Variants in CCDC194 observed in about 807,000 individuals in gnomAD.
The protein encoded by CCDC194 is coiled-coil domain-containing protein 194.
A neutral mutation model predicts 4.9 loss-of-function variants in CCDC194; 8 were observed. The observed-to-expected ratio is 1.65, with a 90% CI of 0.97 to 2.97. The LOEUF is 2.97. Among genes scored for constraint, CCDC194 ranks in the 30% most tolerant of loss-of-function variants. CCDC194 has a pLI of 0.00. For synonymous variants in CCDC194, 13 were observed against 17.0 expected (o/e 0.76, Z 0.58); for missense variants, 52 against 43.1 (o/e 1.21, Z -0.58).
At chr19:17,387,210 CAATTTTT>C (rs557987498), downstream of CCDC194, among the ~76,000 whole-genome samples, 283 of 152,164 alleles carry the variant, frequency 1.9e-3, 2 homozygotes, top group Non-Finnish European at 4.0e-4. Context: ...TTTTTAAAAA[CAATTTTT>C]AATTTTTAAT....
chr19:17,392,052 A>C (rs1304998085), intron 1 of CCDC194: 3 of 489,480 alleles, frequency 6.1e-6, no homozygotes, highest in African/African-American at 6.0e-5. Context: ...GCCTGCCTGG[A>C]GGGAGATCTC....
downstream of CCDC194, among the ~76,000 whole-genome samples, chr19:17,387,742 G>T (rs1429076007): frequency 6.6e-6 from 1 of 151,906 alleles, no homozygotes; most frequent in Non-Finnish European, 1.5e-5. Flanking sequence ...AAGAAAGAAA[G>T]AAAGAAAGTA....
intron 1 of CCDC194, among the ~76,000 whole-genome samples, chr19:17,393,308 G>A (rs1260402603): frequency 6.6e-6 from 1 of 152,096 alleles, no homozygotes; most frequent in African/African-American, 2.4e-5. Flanking sequence ...GCACATGGAG[G>A]AGGGCCTCCA....
At chr19:17,390,374 T>C (rs1262580826), downstream of CCDC194, 15 of 382,104 alleles carry the variant, frequency 3.9e-5, no homozygotes, top group Non-Finnish European at 5.6e-5. This position sits in a 1 kb window ranked among gnomAD's most constrained non-coding sequence, Gnocchi z 5.5. Flanking sequence ...TTCTGTGCAG[T>C]TTCCGTTCAG....
At chr19:17,392,515 A>C (rs1477076371) in intron 1 of CCDC194, among the ~76,000 whole-genome samples, 4 of 152,132 alleles carry the variant, frequency 2.6e-5, no homozygotes, top group Non-Finnish European at 5.9e-5. Flanking sequence ...ACACAGGGCA[A>C]TTTGATGGTT....
intron 2 of CCDC194, 121 bp downstream of exon 2, chr19:17,391,629 T>C: frequency 6.5e-7 from 1 of 1,529,178 alleles, no homozygotes; most frequent in Non-Finnish European, 8.7e-7. Flanking sequence ...TTTTCATAAG[T>C]TTTTGCGTTT....
exon 1 of CCDC194, chr19:17,393,867 C>G (rs1453402348): frequency 7.5e-6 from 3 of 397,626 alleles, no homozygotes; most frequent in Non-Finnish European, 1.3e-5. Context: ...AATGCCTTCT[C>G]CAACTCGTGC....
At chr19:17,393,555 A>C (rs1380302550) in intron 1 of CCDC194, among the ~76,000 whole-genome samples, 3 of 151,782 alleles carry the variant, frequency 2.0e-5, no homozygotes, top group African/African-American at 7.3e-5. Context: ...CGCCAGGCTA[A>C]TTTTTGTATT....
chr19:17,388,887 G>A (rs2074644838), downstream of CCDC194, among the ~76,000 whole-genome samples: 1 of 150,352 alleles, frequency 6.7e-6, no homozygotes. Flanking sequence ...TCAGAGGACT[G>A]AAGTGCAGTG....
At chr19:17,391,383 C>T in intron 2 of CCDC194, 40 bp from the exon 3 acceptor site, 1 of 497,044 alleles carries the variant, frequency 2.0e-6, no homozygotes, top group South Asian at 3.0e-5. Context: ...GAGACTCCCG[C>T]GCCCACCCGC....
downstream of CCDC194, among the ~76,000 whole-genome samples, chr19:17,389,017 A>G (rs1019789018): frequency 2.0e-5 from 3 of 151,832 alleles, no homozygotes; most frequent in South Asian, 4.2e-4. Flanking sequence ...TATTGATATT[A>G]TTTGTAGAGA....
intron 1 of CCDC194, among the ~76,000 whole-genome samples, chr19:17,392,884 A>G (rs1292624135): frequency 6.6e-5 from 10 of 152,136 alleles, no homozygotes; most frequent in Admixed American, 6.6e-4. Context: ...TTTTCACCAC[A>G]TTGGCCAGGC....
chr19:17,391,185 C>T (rs2074653032), intron 3 of CCDC194, 26 bp downstream of exon 3: 2 of 397,360 alleles, frequency 5.0e-6, no homozygotes, highest in Middle Eastern at 6.2e-4. Flanking sequence ...CATCCGACCC[C>T]GCCCTCGGGC....
In CCDC194 at chr19:17,390,714, C is replaced by T. The variant is rs757966021; in HGVS notation, c.555-55G>A. On this transcript the variant is annotated intron_variant, in intron 3 of 3. Coordinates refer to ENST00000636079, the Ensembl canonical transcript of CCDC194. The surrounding 1 kb of genome is among the most constrained non-coding windows in gnomAD (Gnocchi z 5.5). ...CCTCTGGACCCCTGTCCCCAGACAT[C>T]GCCAGCCCTCATCCGCCAGAGCGTC... 2.5e-6 allele frequency: 1 copy of T among 395,156 alleles called. No individual in the cohort carries two copies. Among genetic ancestry groups the T allele is most frequent in the Non-Finnish European group, 4.5e-6 (1 of 223,696 alleles). 24.5% of individuals were successfully genotyped at this position (395,156 alleles called of 1,614,324 possible). A position where few individuals can be genotyped will look rare whatever the true frequency, so the allele number is the denominator to read the frequency against.
At chr19:17,391,378 T>TGCCCCCCC in intron 2 of CCDC194, 35 bp from the exon 3 acceptor site, 4 of 501,558 alleles carry the variant, frequency 8.0e-6, no homozygotes, top group East Asian at 3.5e-5. Context: ...GGCTGGAGAC[T>TGCCCCCCC]CCCGCGCCCA....
At chr19:17,392,138 C>G (rs1356749918) in intron 1 of CCDC194, 2 of 271,736 alleles carry the variant, frequency 7.4e-6, no homozygotes, top group Non-Finnish European at 1.4e-5. Flanking sequence ...GATTCAAGTT[C>G]CACTTTCAGC....
downstream of CCDC194, among the ~76,000 whole-genome samples, chr19:17,389,520 G>A (rs960120030): frequency 2.0e-5 from 3 of 152,034 alleles, no homozygotes; most frequent in Non-Finnish European, 4.4e-5. Flanking sequence ...ACTTGACAGT[G>A]GACGTCCTCA....
At chr19:17,390,475 C>T, downstream of CCDC194, 2 of 392,386 alleles carry the variant, frequency 5.1e-6, no homozygotes, top group Middle Eastern at 1.3e-3. This position sits in a 1 kb window ranked among gnomAD's most constrained non-coding sequence, Gnocchi z 5.5. Context: ...TATGTGTCCT[C>T]CAGGCCGACG....
intron 1 of CCDC194, among the ~76,000 whole-genome samples, chr19:17,392,471 T>G (rs1405511690): frequency 6.6e-6 from 1 of 152,126 alleles, no homozygotes; most frequent in Non-Finnish European, 1.5e-5. Flanking sequence ...TGACTCCGTC[T>G]CAGAACAAAC....
Sources: gnomAD v4.1 joint callset for allele counts (sites outside exome capture counted in the v4.1 genomes callset) on GRCh38, gnomAD v4.1.1 for gene constraint, Gnocchi (gnomAD v3.1) non-coding constraint, MANE v1.5 for transcripts, NCBI Gene and HGNC (gene_info 2026-07-23, HGNC 2026-07-21) for gene names.